The following RAB17 variants were observed in gnomAD, a reference collection of about 807,000 sequenced individuals.
RAB17 encodes the protein ras-related protein Rab-17.
In RAB17, 15 loss-of-function variants were observed where a neutral mutation model predicts 19.3. That is an observed-to-expected ratio of 0.78 (90% CI 0.52 to 1.20). RAB17 has a LOEUF of 1.20. Ranked by LOEUF, RAB17 falls within the 50% of genes most tolerant of loss-of-function variation. The pLI is 0.00. For synonymous variants in RAB17, 110 were observed against 112.8 expected, an observed-to-expected ratio of 0.97 and a Z score of 0.16; for missense variants, 262 against 269.3, an observed-to-expected ratio of 0.97 and a Z score of 0.19.
At position 237,586,013 on chromosome 2, in the gene RAB17, G is replaced by A; in HGVS notation, c.142C>T (p.Leu48=). The change falls in exon 2 of 6, where the codon CTG becomes TTG. Residue 48 remains leucine, a synonymous_variant. Transcript: ENST00000264601. The part of the protein sequence containing the change: ...RYVKNDFKSI[L]PTVGCAFFTK... ...CCTCACTTACAGCCCACCGTAGGCA[G>A]GATACTCTTGAAGTCGTTCTTCACG... The A allele has an allele frequency of 6.2e-7, 1 of 1,610,248 alleles. No individual in the cohort carries two copies. Among genetic ancestry groups the A allele is most frequent in the Admixed American group, 1.7e-5 (1 of 59,570 alleles).
intron 2 of RAB17, among the ~76,000 whole-genome samples, chr2:237,582,960 A>G (rs1397696320): frequency 6.6e-6 from 1 of 152,178 alleles, no homozygotes; most frequent in Non-Finnish European, 1.5e-5. Flanking sequence ...TACAAAAATC[A>G]GCATGGTGGT....
At chr2:237,579,998 C>T (rs2081296413) in intron 2 of RAB17, among the ~76,000 whole-genome samples, 2 of 152,160 alleles carry the variant, frequency 1.3e-5, no homozygotes, top group South Asian at 2.1e-4. Flanking sequence ...GGGACTGAAC[C>T]GGCTATAAAC....
chr2:237,587,826 G>T (rs1329465319), intron 1 of RAB17, among the ~76,000 whole-genome samples: 1 of 140,302 alleles, frequency 7.1e-6, no homozygotes, highest in Admixed American at 7.2e-5. Context: ...TTCCATCTGT[G>T]TTTCTTAAAA....
chr2:237,575,492 A>G lies in RAB17; in HGVS notation c.436-12T>C, dbSNP rs2081254593. On this transcript the variant is annotated splice_polypyrimidine_tract_variant and intron_variant, in intron 4 of 5. Coordinates refer to ENST00000264601, the MANE Select transcript of RAB17 (RefSeq NM_022449.4). ...AACTCCTTCCCTTCCTGAAGGAAACAGCCACAAAATCCAGCGCTGTTTATA... is the reference window on the plus strand; with the variant it reads ...AACTCCTTCCCTTCCTGAAGGAAACGGCCACAAAATCCAGCGCTGTTTATA... 6.2e-7 allele frequency: 1 copy of G among 1,600,618 alleles called. No homozygotes were observed. The highest frequency in any genetic ancestry group is 8.5e-7 in the Non-Finnish European group (1 of 1,171,450).
chr2:237,577,122 G>A (rs955669217), intron 4 of RAB17, 135 bp downstream of exon 4: 5 of 1,053,374 alleles, frequency 4.7e-6, no homozygotes, highest in Admixed American at 4.6e-5. Flanking sequence ...GGCGTGTAGA[G>A]GTGTGTGTGC....
chr2:237,588,644 T>C (rs1468114824), intron 1 of RAB17, among the ~76,000 whole-genome samples: 3 of 152,044 alleles, frequency 2.0e-5, no homozygotes, highest in African/African-American at 7.2e-5. Flanking sequence ...TGCAACAAAA[T>C]CTCAGAAATC....
At chr2:237,583,266 A>T (rs2149187061) in intron 2 of RAB17, among the ~76,000 whole-genome samples, 1 of 152,278 alleles carries the variant, frequency 6.6e-6, no homozygotes, top group South Asian at 2.1e-4. Context: ...TGAGCCCAGG[A>T]GGCAGAGGTT....
intron 1 of RAB17, among the ~76,000 whole-genome samples, chr2:237,587,802 CAT>C (rs1283361981): frequency 3.7e-5 from 5 of 136,194 alleles, no homozygotes; most frequent in Non-Finnish European, 8.0e-5. Context: ...GGATAAAAAA[CAT>C]AACATTAAGT....
intron 2 of RAB17, among the ~76,000 whole-genome samples, chr2:237,584,840 G>T (rs1453594497): frequency 6.6e-6 from 1 of 152,222 alleles, no homozygotes; most frequent in Admixed American, 6.5e-5. Context: ...GACTTGGGGG[G>T]TGAGGGGTAC....
At chr2:237,587,189 G>A (rs990352096) in intron 1 of RAB17, among the ~76,000 whole-genome samples, 1 of 152,250 alleles carries the variant, frequency 6.6e-6, no homozygotes, top group African/African-American at 2.4e-5. Flanking sequence ...TTTCTGTGAT[G>A]TTGGCAGTCA....
chr2:237,578,142 T>G lies in RAB17; in HGVS notation c.171A>C (p.Thr57=), dbSNP rs888307597. ...ILPTVGCAFF[T]KVVDVGATSL... Reference sequence around the variant, plus strand: ...AGGTGGCACCCACATCCACCACCTTTGTGAAGAACGCACCTGAAACAGGGA... The same window carrying G: ...AGGTGGCACCCACATCCACCACCTTGGTGAAGAACGCACCTGAAACAGGGA... Residue 57 remains threonine, a synonymous_variant, in exon 3 of 6, where the codon ACA becomes ACC. Transcript: ENST00000264601. The G allele has an allele frequency of 6.2e-7, 1 of 1,611,158 alleles. No individual in the cohort carries two copies. Among genetic ancestry groups the G allele is most frequent in the Non-Finnish European group, 8.5e-7 (1 of 1,177,594 alleles).
At chr2:237,577,894 C>G in intron 3 of RAB17, 110 bp downstream of exon 3, 6 of 1,279,606 alleles carry the variant, frequency 4.7e-6, no homozygotes, top group Non-Finnish European at 6.5e-6. Flanking sequence ...CTGTTGCTCA[C>G]TAATGGAGTC....
At chr2:237,577,669 C>T (rs2081276230) in intron 3 of RAB17, 2 of 471,746 alleles carry the variant, frequency 4.2e-6, no homozygotes, top group Non-Finnish European at 7.6e-6. Context: ...AGGCCTCGAG[C>T]TCCTGAATCT....
chr2:237,577,249 G>A lies in RAB17; in HGVS notation c.435+8C>T. On this transcript the variant is annotated splice_region_variant and intron_variant, in intron 4 of 5. Transcript: ENST00000264601. ...TGGAAGAGCAGAGCAGGGTCTCCTG[G>A]GCGGTACCTGGAAGGTCACCTCCCG... 1 of 1,611,026 alleles carries A rather than the reference G, an allele frequency of 6.2e-7. No homozygotes were observed. The highest frequency in any genetic ancestry group is 8.5e-7 in the Non-Finnish European group (1 of 1,178,846).
intron 4 of RAB17, chr2:237,576,622 G>A (rs776645253): frequency 6.4e-6 from 3 of 471,078 alleles, no homozygotes; most frequent in Admixed American, 2.3e-5. Context: ...CTTCCCCTGC[G>A]CCAGCCTCTA....
In RAB17 at chr2:237,574,696, T is replaced by A. The variant is rs2081246862; in HGVS notation, c.*323A>T. 5 of 1,427,716 alleles carry A rather than the reference T, an allele frequency of 3.5e-6. No individual in the cohort carries two copies. The African/African-American group carries it at 7.2e-5, about 21-fold the overall frequency. The allele number at this position is 1,427,716 out of a possible 1,614,324, so 88.4% of individuals were successfully genotyped here. ...CCCACCGTCGCTGTGCTGCGGGGAC[T>A]TTTCCAATCCTTCCTTCCTCTCTGT... is the stretch of plus-strand genomic sequence containing the variant. On this transcript the variant is annotated 3_prime_UTR_variant, in exon 6 of 6. Transcript: ENST00000264601.
intron 2 of RAB17, among the ~76,000 whole-genome samples, chr2:237,581,280 T>C (rs2081306619): frequency 6.6e-6 from 1 of 150,648 alleles, no homozygotes; most frequent in South Asian, 2.1e-4. Flanking sequence ...GAGGTGGAGG[T>C]GGAGGCTTGC....
intron 1 of RAB17, among the ~76,000 whole-genome samples, chr2:237,587,890 G>T (rs1463097225): frequency 6.6e-6 from 1 of 151,998 alleles, no homozygotes; most frequent in Non-Finnish European, 1.5e-5. Flanking sequence ...CTCTCCAGGT[G>T]ATCTCAGTAT....
intron 2 of RAB17, among the ~76,000 whole-genome samples, chr2:237,579,792 C>T: frequency 1.0e-5 from 1 of 99,934 alleles, no homozygotes; most frequent in East Asian, 3.2e-4. Flanking sequence ...CATGGTGCAG[C>T]AAGACCGTGC....
Sources: allele counts gnomAD v4.1 joint callset (sites outside exome capture counted in the v4.1 genomes callset), GRCh38; gene constraint gnomAD v4.1.1; transcripts MANE v1.5; gene names NCBI Gene and HGNC (gene_info 2026-07-23, HGNC 2026-07-21).